The following ANKS1B variants were observed in gnomAD, a reference collection of about 807,000 sequenced individuals.
ANKS1B encodes the protein ankyrin repeat and sterile alpha motif domain containing 1B.
A neutral mutation model predicts 148.3 loss-of-function variants in ANKS1B; 36 were observed. The ratio of observed to expected loss-of-function variants is 0.24; its 90% CI spans 0.19 to 0.32. The LOEUF (loss-of-function observed/expected upper bound fraction) is 0.32, where lower values mean the gene tolerates loss of function less well. Among genes scored for constraint, ANKS1B ranks in the 10% least tolerant of loss-of-function variants. The pLI is 1.00. For synonymous variants in ANKS1B, 542 were observed against 560.8 expected, an observed-to-expected ratio of 0.97 and a Z score of 0.47; for missense variants, 1,157 against 1,542.6, an observed-to-expected ratio of 0.75 and a Z score of 4.19.
chr12:99,922,938 TA>T (rs35052869), intron 1 of ANKS1B, among the ~76,000 whole-genome samples: 168 of 146,982 alleles, frequency 1.1e-3, no homozygotes, highest in East Asian at 1.8e-3. Context: ...TCCAGAACTA[TA>T]AAAAAAAAAA....
At position 99,192,514 on chromosome 12, in the gene ANKS1B, C is replaced by T. The variant is rs117481136; in HGVS notation, c.2420-38119G>A. 4.1e-3 allele frequency among the ~76,000 whole-genome samples: 628 copies of T among 152,150 alleles called. 24 individuals carry two copies. In the East Asian group the frequency reaches 0.085, roughly 21 times the overall value. ...ACTTTATTAAAAGTTATATTATTTACTCCTAAAAACCAGAGTTGGGTACAT... is the reference window on the plus strand; with the variant it reads ...ACTTTATTAAAAGTTATATTATTTATTCCTAAAAACCAGAGTTGGGTACAT... On this transcript the variant is annotated intron_variant, in intron 14 of 26. Transcript: ENST00000683438.
chr12:99,008,209 C>T (rs2099937277), intron 17 of ANKS1B, among the ~76,000 whole-genome samples: 1 of 152,084 alleles, frequency 6.6e-6, no homozygotes, highest in South Asian at 2.1e-4. Flanking sequence ...AATTTTTATA[C>T]CCTATTATAA....
At chr12:99,470,680 T>C (rs1297861992) in intron 10 of ANKS1B, among the ~76,000 whole-genome samples, 1 of 152,176 alleles carries the variant, frequency 6.6e-6, no homozygotes, top group Admixed American at 6.6e-5. Flanking sequence ...ACATGCAATA[T>C]AGCTATGATA....
At chr12:99,500,247 T>G (rs1425539938) in intron 10 of ANKS1B, among the ~76,000 whole-genome samples, 3 of 152,158 alleles carry the variant, frequency 2.0e-5, no homozygotes, top group African/African-American at 7.2e-5. Context: ...GCCAGTACCC[T>G]GCAGATTTCC....
chr12:99,472,796 C>G (rs528083222), intron 10 of ANKS1B, among the ~76,000 whole-genome samples: 1 of 152,168 alleles, frequency 6.6e-6, no homozygotes, highest in East Asian at 1.9e-4. Flanking sequence ...ATGAGTTAAA[C>G]TGCGCTTAAA....
At chr12:99,536,314 A>G (rs1164241630) in intron 9 of ANKS1B, among the ~76,000 whole-genome samples, 1 of 152,142 alleles carries the variant, frequency 6.6e-6, no homozygotes, top group Non-Finnish European at 1.5e-5. Context: ...GAAGCTACAC[A>G]TATGTATGGG....
chr12:99,051,065 A>G (rs2099965721), intron 17 of ANKS1B, among the ~76,000 whole-genome samples: 1 of 152,018 alleles, frequency 6.6e-6, no homozygotes, highest in African/African-American at 2.4e-5. Flanking sequence ...ATCAGTCCCT[A>G]AGCCCCGGCA....
chr12:99,511,414 A>G (rs551566376), intron 9 of ANKS1B, among the ~76,000 whole-genome samples: 7 of 152,162 alleles, frequency 4.6e-5, no homozygotes, highest in Non-Finnish European at 8.8e-5. Flanking sequence ...GAAATCAGAG[A>G]TGACACAAAC....
At chr12:99,233,543 C>A (rs971234158) in intron 14 of ANKS1B, among the ~76,000 whole-genome samples, 5 of 152,084 alleles carry the variant, frequency 3.3e-5, no homozygotes, top group African/African-American at 1.2e-4. Context: ...ATAATTGAAT[C>A]CTACACCAAT....
intron 15 of ANKS1B, among the ~76,000 whole-genome samples, chr12:99,110,283 C>A (rs2060035080): frequency 6.6e-6 from 1 of 152,124 alleles, no homozygotes; most frequent in African/African-American, 2.4e-5. Flanking sequence ...GTGGTGCTAT[C>A]AGCCCACGGT....
At chr12:99,826,654 G>C (rs558618475) in intron 1 of ANKS1B, among the ~76,000 whole-genome samples, 2 of 152,276 alleles carry the variant, frequency 1.3e-5, no homozygotes, top group South Asian at 2.1e-4. Context: ...CTCCTAGTTT[G>C]CAGACGTTAA....
At chr12:99,048,181 T>C (rs2099963695) in intron 17 of ANKS1B, among the ~76,000 whole-genome samples, 1 of 152,132 alleles carries the variant, frequency 6.6e-6, no homozygotes, top group Non-Finnish European at 1.5e-5. Context: ...TCAGAGGAAA[T>C]TTGGAATGTT....
chr12:99,584,548 G>A (rs760021324), intron 9 of ANKS1B, among the ~76,000 whole-genome samples: 29 of 152,152 alleles, frequency 1.9e-4, no homozygotes, highest in Non-Finnish European at 2.8e-4. Context: ...AGCGAGCTGT[G>A]ACTGCATCAC....
At chr12:99,387,665 CAG>C (rs1159679318) in intron 12 of ANKS1B, among the ~76,000 whole-genome samples, 1 of 151,916 alleles carries the variant, frequency 6.6e-6, no homozygotes, top group East Asian at 1.9e-4. Flanking sequence ...TGTGAGAACA[CAG>C]AGAAAATGCT....
At chr12:99,732,366 C>T (rs1464710664) in intron 8 of ANKS1B, among the ~76,000 whole-genome samples, 2 of 152,100 alleles carry the variant, frequency 1.3e-5, no homozygotes, top group Admixed American at 6.5e-5. Flanking sequence ...TTATTAATTA[C>T]AGCCAAAATC....
chr12:99,932,750 G>C (rs192014080), intron 1 of ANKS1B, among the ~76,000 whole-genome samples: 1 of 151,890 alleles, frequency 6.6e-6, no homozygotes, highest in Admixed American at 6.6e-5. Context: ...TTCCTTTACT[G>C]TGCAGAAGCT....
At chr12:99,872,624 C>A (rs1030163007) in intron 1 of ANKS1B, among the ~76,000 whole-genome samples, 1 of 152,120 alleles carries the variant, frequency 6.6e-6, no homozygotes, top group African/African-American at 2.4e-5. Flanking sequence ...TATGTAATTT[C>A]ATTAAGCTTT....
chr12:99,263,980 T>C (rs1231802545), intron 12 of ANKS1B, among the ~76,000 whole-genome samples: 1 of 152,172 alleles, frequency 6.6e-6, no homozygotes, highest in African/African-American at 2.4e-5. Flanking sequence ...GGGCATACAA[T>C]TCTTGAATCT....
chr12:98,954,499 A>G (rs929628681), intron 17 of ANKS1B: 1 of 152,254 alleles, frequency 6.6e-6, no homozygotes, highest in Non-Finnish European at 1.5e-5. Flanking sequence ...TTGCAAATGG[A>G]ACAAGGTCAG....
Sources: allele counts gnomAD v4.1 joint callset (sites outside exome capture counted in the v4.1 genomes callset), GRCh38; gene constraint gnomAD v4.1.1; transcripts MANE v1.5; gene names NCBI Gene and HGNC (gene_info 2026-07-23, HGNC 2026-07-21).